Variants in SRPK2 observed in about 807,000 individuals in gnomAD.
SRPK2 encodes SRSF protein kinase 2, also known as SFRS protein kinase 2.
SRPK2 carries 21 observed loss-of-function variants against 90.8 expected under a neutral mutation model. The observed-to-expected ratio is 0.23, with a 90% CI of 0.16 to 0.33. The LOEUF (loss-of-function observed/expected upper bound fraction) is 0.33. SRPK2 is among the 10% of genes least tolerant of loss of function. The probability of loss-of-function intolerance (pLI) is 1.00; values close to 1 mark genes in which losing one functional copy is unlikely to be tolerated. For synonymous variants in SRPK2, 288 were observed against 311.1 expected (o/e 0.93, Z 0.78); for missense variants, 620 against 869.0 (o/e 0.71, Z 3.60).
chr7:105,390,817 A>G (rs1439352728), upstream of SRPK2, among the ~76,000 whole-genome samples: 1 of 151,782 alleles, frequency 6.6e-6, no homozygotes, highest in East Asian at 1.9e-4. Context: ...CAGTTCCACC[A>G]TTTTGCAGAA....
At chr7:105,151,962 TGCAGTGA>T (rs2129579154) in intron 7 of SRPK2, among the ~76,000 whole-genome samples, 1 of 149,872 alleles carries the variant, frequency 6.7e-6, no homozygotes, top group African/African-American at 2.5e-5. Flanking sequence ...AAGCGGTGGT[TGCAGTGA>T]GCTGAGATCG....
At chr7:105,301,864 C>A in intron 2 of SRPK2, 1 of 1,578,016 alleles carries the variant, frequency 6.3e-7, no homozygotes. Flanking sequence ...TGGAGAATCA[C>A]AATCCCATTA....
At chr7:105,315,643 G>C (rs1812224554) in intron 2 of SRPK2, among the ~76,000 whole-genome samples, 1 of 152,122 alleles carries the variant, frequency 6.6e-6, no homozygotes, top group African/African-American at 2.4e-5. Flanking sequence ...TTCAATTAAA[G>C]AAAAGGTTCC....
chr7:105,247,531 AACACACAC>A (rs59040708), intron 2 of SRPK2, among the ~76,000 whole-genome samples: 20,829 of 145,200 alleles, frequency 0.14, 1,557 homozygotes, highest in Middle Eastern at 0.22. Context: ...CACACACATA[AACACACAC>A]ACACACACAC....
chr7:105,335,449 T>C (rs923854356), intron 2 of SRPK2, among the ~76,000 whole-genome samples: 87 of 150,322 alleles, frequency 5.8e-4, no homozygotes, highest in African/African-American at 2.0e-3. Flanking sequence ...TGGATGAGCC[T>C]AGGAGTTCCA....
At chr7:105,315,914 G>A (rs1241495480) in intron 2 of SRPK2, among the ~76,000 whole-genome samples, 1 of 151,832 alleles carries the variant, frequency 6.6e-6, no homozygotes, top group African/African-American at 2.4e-5. Flanking sequence ...TATAGGTATT[G>A]GTCATTAAAA....
intron 7 of SRPK2, among the ~76,000 whole-genome samples, chr7:105,147,149 T>C (rs1804761396): frequency 6.6e-6 from 1 of 152,204 alleles, no homozygotes; most frequent in African/African-American, 2.4e-5. Flanking sequence ...GTTGTAAAAA[T>C]ATGCTATATA....
At chr7:105,351,804 CAAAAA>C (rs569215779) in intron 2 of SRPK2, among the ~76,000 whole-genome samples, 1 of 94,730 alleles carries the variant, frequency 1.1e-5, no homozygotes. Flanking sequence ...GACTCCATCT[CAAAAA>C]AAAAAAAAAA....
chr7:105,391,609 C>T (rs548552303), upstream of SRPK2, among the ~76,000 whole-genome samples: 36 of 151,914 alleles, frequency 2.4e-4, 1 homozygote, highest in African/African-American at 8.0e-4. Flanking sequence ...CAGGAGTTGG[C>T]GGCTGCAGTG....
At chr7:105,284,809 A>G (rs960932049) in intron 2 of SRPK2, among the ~76,000 whole-genome samples, 1 of 152,186 alleles carries the variant, frequency 6.6e-6, no homozygotes, top group Non-Finnish European at 1.5e-5. Flanking sequence ...GCTTTATACA[A>G]TATTATGAAG....
chr7:105,288,568 C>T (rs6980310), intron 2 of SRPK2, among the ~76,000 whole-genome samples: 2,397 of 151,712 alleles, frequency 0.016, 68 homozygotes, highest in African/African-American at 0.053. Context: ...CACTCCAGCC[C>T]GAGCGACAGT....
intron 2 of SRPK2, among the ~76,000 whole-genome samples, chr7:105,209,902 T>A (rs1184083359): frequency 2.0e-5 from 3 of 152,152 alleles, no homozygotes; most frequent in Non-Finnish European, 4.4e-5. Flanking sequence ...AAATTTAAAA[T>A]GTGGTTTAAA....
chr7:105,168,130 T>C (rs781152992), intron 4 of SRPK2, 35 bp from the exon 5 acceptor site: 54 of 1,510,882 alleles, frequency 3.6e-5, no homozygotes, highest in Non-Finnish European at 4.6e-5. Context: ...TCTATTTATC[T>C]ATATTATCAG....
chr7:105,376,166 T>C (rs1163119025), intron 2 of SRPK2, among the ~76,000 whole-genome samples: 2 of 151,726 alleles, frequency 1.3e-5, no homozygotes, highest in Admixed American at 6.6e-5. Context: ...AGCAAATTTT[T>C]TGTATTTTGT....
chr7:105,160,423 A>G (rs901831128), intron 7 of SRPK2, 84 bp downstream of exon 7: 15 of 740,692 alleles, frequency 2.0e-5, no homozygotes, highest in Non-Finnish European at 3.6e-5. Flanking sequence ...TATGTAATAC[A>G]TATACATATT....
In SRPK2 at chr7:105,203,707, G is replaced by A; in HGVS notation, c.150C>T (p.Asp50=). The change falls in exon 3 of 16, where the codon GAC becomes GAT. Residue 50 remains aspartate, a synonymous_variant. Transcript: ENST00000393651. ...CCTCCTCTGGCTCCGGGGGTGTGGGGTCTGGCAAAGGTGGCGGTGGTGGTG... is the reference window on the plus strand; with the variant it reads ...CCTCCTCTGGCTCCGGGGGTGTGGGATCTGGCAAAGGTGGCGGTGGTGGTG... The part of the protein sequence containing the change: ...PPPPPPPPLP[D]PTPPEPEEEI... 1.3e-6 allele frequency: 2 copies of A among 1,597,458 alleles called. No individual in the cohort carries two copies. The highest frequency in any genetic ancestry group is 1.7e-6 in the Non-Finnish European group (2 of 1,172,476).
In SRPK2 at chr7:105,130,068, CA is replaced by C. The variant is rs36043836; in HGVS notation, c.1752+2722del. ...TACTTACACTGGAAGGTGTAAAGCT[CA>C]AAAAAAAAGTAAAACTCAAGAAAAG... On this transcript the variant is annotated intron_variant, in intron 13 of 15. Transcript: ENST00000393651. 4.1e-3 allele frequency among the ~76,000 whole-genome samples: 619 copies of C among 150,840 alleles called. 15 individuals carry two copies. In the East Asian group the frequency reaches 0.062, roughly 15 times the overall value.
At chr7:105,369,392 C>T (rs1819459809) in intron 2 of SRPK2, among the ~76,000 whole-genome samples, 1 of 152,012 alleles carries the variant, frequency 6.6e-6, no homozygotes, top group Non-Finnish European at 1.5e-5. Flanking sequence ...AAGTGATTCA[C>T]CCACCTTGGC....
At position 105,368,507 on chromosome 7, in the gene SRPK2, A is replaced by G. The variant is rs1365114309; in HGVS notation, c.71+20141T>C. ...TCATCCTGCAGCTTAATGGTAGTAC[A>G]AAAGACCACTGAATCAGCATCCAGG... On this transcript the variant is annotated intron_variant, in intron 2 of 15. Coordinates refer to ENST00000393651, the MANE Select transcript of SRPK2 (RefSeq NM_182692.3). Among the ~76,000 whole-genome samples the G allele has an allele frequency of 4.6e-5, 7 of 152,196 alleles. 1 individual carries two copies. The South Asian group carries it at 1.2e-3, about 27-fold the overall frequency.
Sources: allele counts gnomAD v4.1 joint callset (sites outside exome capture counted in the v4.1 genomes callset), GRCh38; gene constraint gnomAD v4.1.1; transcripts MANE v1.5; gene names NCBI Gene and HGNC (gene_info 2026-07-23, HGNC 2026-07-21).